PRRC2B: variants seen among roughly 807,000 people sequenced by gnomAD.
PRRC2B encodes proline rich coiled-coil 2B, also known as protein PRRC2B.
Under a neutral mutation model 242.3 loss-of-function variants are expected in PRRC2B, and 68 were observed. That is an observed-to-expected ratio of 0.28 (90% CI 0.23 to 0.34). The LOEUF (loss-of-function observed/expected upper bound fraction) is 0.34. Among genes scored for constraint, PRRC2B ranks in the 10% least tolerant of loss-of-function variants. PRRC2B has a pLI of 1.00. For missense variants in PRRC2B, 2,835 were observed against 2,954.8 expected, an observed-to-expected ratio of 0.96 and a Z score of 0.94; for synonymous variants, 1,228 against 1,173.6, an observed-to-expected ratio of 1.05 and a Z score of -0.95.
rs373788614 is a variant in PRRC2B at position 131,474,463 on chromosome 9, C to G, written c.2334C>G (p.Ser778Arg). 6.2e-7 allele frequency: 1 copy of G among 1,603,638 alleles called. No individual in the cohort carries two copies. The highest frequency in any genetic ancestry group is 1.3e-5 in the African/African-American group (1 of 74,574). The change falls in exon 16 of 32, where the codon AGC becomes AGG. Residue 778 changes from serine (S) to arginine (R), a missense_variant. Physicochemically the swap from Ser to Arg is moderately radical, Grantham distance 110 (BLOSUM62 -1). Around this residue, in one of 7 missense-constraint regions of PRRC2B, gnomAD observed 1,536 missense variants for 1,483.1 expected, o/e 1.04. Coordinates refer to ENST00000683519, the MANE Select transcript of PRRC2B (RefSeq NM_013318.4). The stretch of plus-strand genomic sequence containing the variant: ...TCTGGTTCCTTTTCAGGAATGAAAG[C>G]TCTTTCTCTGCCTCACTCGGAAGGG... ...LAMDMRVRNE[S>R]SFSASLGRAG...
Position 131,487,730 on chromosome 9 carries a change from T to A in PRRC2B, c.5985-126T>A. 7.8e-7 allele frequency: 1 copy of A among 1,281,750 alleles called. No individual in the cohort carries two copies. Among genetic ancestry groups the A allele is most frequent in the East Asian group, 2.5e-5 (1 of 40,222 alleles). 79.4% of individuals were successfully genotyped at this position (1,281,750 alleles called of 1,614,324 possible). A position where few individuals can be genotyped will look rare whatever the true frequency, so the allele number is the denominator to read the frequency against. Reference sequence around the variant, plus strand: ...CAGGCCCCATCCTGGACCCTCTGAGTCGCGCTCTGGGGGTGGGGCCGGGGA... The same window carrying A: ...CAGGCCCCATCCTGGACCCTCTGAGACGCGCTCTGGGGGTGGGGCCGGGGA... On this transcript the variant is annotated intron_variant, in intron 27 of 31. Transcript: ENST00000683519. The surrounding 1 kb of genome is among the most constrained non-coding windows in gnomAD (Gnocchi z 5.3).
intron 12 of PRRC2B, among the ~76,000 whole-genome samples, chr9:131,465,775 G>T (rs775293976): frequency 1.3e-5 from 2 of 152,154 alleles, no homozygotes; most frequent in Non-Finnish European, 1.5e-5. Context: ...TGTCACCCAG[G>T]TTGGAGTGGT....
rs554717576 is a variant in PRRC2B, at chr9:131,465,890, A to G, written c.1720+812A>G. ...CAGGCGTGTGCCACGACGCCCAGCT[A>G]ATTTTTGTATTTTTAGTAGAGACAG... is the stretch of plus-strand genomic sequence containing the variant. On this transcript the variant is annotated intron_variant, in intron 12 of 31. Coordinates refer to ENST00000683519, the MANE Select transcript of PRRC2B (RefSeq NM_013318.4). Among the ~76,000 whole-genome samples the G allele has an allele frequency of 2.0e-5, 3 of 152,214 alleles. No homozygotes were observed. In the East Asian group the frequency reaches 5.8e-4, roughly 29 times the overall value.
intron 1 of PRRC2B, among the ~76,000 whole-genome samples, chr9:131,426,337 C>CAAAAAAAAAAAAAAAAAAAAAAA (rs5900939): frequency 3.6e-5 from 3 of 84,456 alleles, no homozygotes; most frequent in Admixed American, 1.3e-4. Context: ...AACTCTGTCT[C>CAAAAAAAAAAAAAAAAAAAAAAA]AAAAAAAAAA....
chr9:131,491,515 G>A lies in PRRC2B; in HGVS notation c.6316G>A (p.Val2106Ile), dbSNP rs141505870. Residue 2106 changes from valine to isoleucine, a missense_variant, in exon 29 of 32, where the codon GTT becomes ATT. By Grantham distance (29) the Val-to-Ile change is conservative (BLOSUM62 3). Around this residue, in one of 7 missense-constraint regions of PRRC2B, gnomAD observed 574 missense variants for 626.0 expected, o/e 0.92. Transcript: ENST00000683519. ...IQLPPGQSLS[V>I]GAPRRIPPPG... ...GCTGCCACCTGGGCAGAGCCTCTCC[G>A]TTGGGGCCCCCCGAAGGATTCCTCC... 6.8e-6 allele frequency: 11 copies of A among 1,612,404 alleles called. No individual in the cohort carries two copies. Among genetic ancestry groups the A allele is most frequent in the East Asian group, 2.2e-5 (1 of 44,856 alleles).
intron 11 of PRRC2B, among the ~76,000 whole-genome samples, chr9:131,460,373 C>G (rs1943207520): frequency 6.6e-6 from 1 of 152,170 alleles, no homozygotes; most frequent in South Asian, 2.1e-4. Context: ...AGTGGAATGC[C>G]CCTCAAATTG....
intron 13 of PRRC2B, among the ~76,000 whole-genome samples, chr9:131,469,208 C>T (rs1417267602): frequency 1.3e-5 from 2 of 152,172 alleles, no homozygotes; most frequent in Non-Finnish European, 2.9e-5. Flanking sequence ...GTGCCGCACA[C>T]CTGTAATCCG....
intron 1 of PRRC2B, among the ~76,000 whole-genome samples, chr9:131,394,953 A>G (rs1288464843): frequency 3.5e-5 from 1 of 28,634 alleles, no homozygotes; most frequent in Non-Finnish European, 8.1e-5. Context: ...GGGGCCTGCC[A>G]GATGGGGTTT....
intron 1 of PRRC2B, among the ~76,000 whole-genome samples, chr9:131,420,499 T>TCTTTCTTTCTCTTTCTTTCTTTC (rs889470295): frequency 4.7e-5 from 4 of 84,494 alleles, no homozygotes; most frequent in African/African-American, 1.8e-4. Context: ...CTTTCTTTTT[T>TCTTTCTTTCTCTTTCTTTCTTTC]TTTTTTTTTT....
rs1477557157 is a variant in PRRC2B at position 131,439,573 on chromosome 9, T to C, written c.469+512T>C. On this transcript the variant is annotated intron_variant, in intron 5 of 31. Coordinates refer to ENST00000683519, the MANE Select transcript of PRRC2B (RefSeq NM_013318.4). ...ACCAGACTTGGTCTTTAGTAGCCTG[T>C]ATTAGAAAACCAGCTGCACATCCTT... 2.0e-5 allele frequency among the ~76,000 whole-genome samples: 3 copies of C among 152,184 alleles called. No individual in the cohort carries two copies. In the East Asian group the frequency reaches 5.8e-4, roughly 29 times the overall value.
chr9:131,416,474 C>T (rs1346280103), intron 1 of PRRC2B, among the ~76,000 whole-genome samples: 1 of 152,144 alleles, frequency 6.6e-6, no homozygotes, highest in Admixed American at 6.6e-5. Flanking sequence ...AGTTGGAGTT[C>T]CCATATAGCC....
chr9:131,417,728 C>G (rs540987678), intron 1 of PRRC2B, among the ~76,000 whole-genome samples: 68 of 152,218 alleles, frequency 4.5e-4, no homozygotes, highest in Non-Finnish European at 8.5e-4. Context: ...ACCAGAAGCC[C>G]CCTGTATTCT....
chr9:131,451,157 T>C (rs867465762), intron 9 of PRRC2B, among the ~76,000 whole-genome samples: 1 of 152,186 alleles, frequency 6.6e-6, no homozygotes, highest in Admixed American at 6.5e-5. Context: ...CCCACCACTT[T>C]GGGAGGCTGA....
chr9:131,474,390 T>C, intron 15 of PRRC2B, 64 bp from the exon 16 acceptor site: 1 of 1,386,118 alleles, frequency 7.2e-7, no homozygotes, highest in Non-Finnish European at 9.9e-7. Context: ...AAGCTCTGTG[T>C]TCAGCATGGA....
chr9:131,456,211 CTTTTTT>C (rs59184650), intron 10 of PRRC2B, among the ~76,000 whole-genome samples: 3 of 138,964 alleles, frequency 2.2e-5, no homozygotes, highest in Admixed American at 7.1e-5. Context: ...AATTTTGTCT[CTTTTTT>C]TTTTTTTTTT....
At chr9:131,458,266 G>C (rs1043998759) in intron 10 of PRRC2B, among the ~76,000 whole-genome samples, 3 of 152,108 alleles carry the variant, frequency 2.0e-5, no homozygotes, top group Admixed American at 6.5e-5. Flanking sequence ...AAAAGGAGAC[G>C]GACACGCACC....
At chr9:131,391,245 C>T (rs1488357378), upstream of PRRC2B, among the ~76,000 whole-genome samples, 1 of 152,084 alleles carries the variant, frequency 6.6e-6, no homozygotes, top group Non-Finnish European at 1.5e-5. Context: ...TCATTTTCTT[C>T]TGGAGGCTTT....
chr9:131,483,268 C>T (rs1391254110), intron 22 of PRRC2B, 91 bp from the exon 23 acceptor site: 20 of 1,235,018 alleles, frequency 1.6e-5, no homozygotes, highest in South Asian at 5.0e-5. Context: ...GTTTTTGAGT[C>T]GGGGAAACTG....
rs766117646 is a variant in PRRC2B, at chr9:131,475,000, G to T, written c.2871G>T (p.Lys957Asn). The T allele has an allele frequency of 5.6e-6, 9 of 1,602,488 alleles. No homozygotes were observed. The highest frequency in any genetic ancestry group is 6.8e-6 in the Non-Finnish European group (8 of 1,174,636). The change falls in exon 16 of 32, where the codon AAG (lysine) becomes AAT (asparagine). Residue 957 changes from lysine (K) to asparagine (N), a missense_variant. By Grantham distance (94) the Lys-to-Asn change is moderately conservative. Around this residue, in one of 7 missense-constraint regions of PRRC2B, gnomAD observed 1,536 missense variants for 1,483.1 expected, o/e 1.04. Coordinates refer to ENST00000683519, the MANE Select transcript of PRRC2B (RefSeq NM_013318.4). ...CCCTCAAGGTGGAAGACAAGGAGAA[G>T]GAGCTTGAGAAGATTAAGCAGGAGC... is the stretch of plus-strand genomic sequence containing the variant. ...LKALKVEDKEKELEKIKQELG... is the reference protein window; with the variant it reads ...LKALKVEDKENELEKIKQELG...
Sources: allele counts gnomAD v4.1 joint callset (sites outside exome capture counted in the v4.1 genomes callset), GRCh38; gene constraint gnomAD v4.1.1; regional missense constraint gnomAD v4.1.1; non-coding constraint Gnocchi (gnomAD v3.1); transcripts MANE v1.5; gene names NCBI Gene and HGNC (gene_info 2026-07-23, HGNC 2026-07-21).